The following ERP44 variants were observed in gnomAD, a reference collection of about 807,000 sequenced individuals.
ERP44 encodes endoplasmic reticulum resident protein 44.
Under a neutral mutation model 53.4 loss-of-function variants are expected in ERP44, and 25 were observed. The ratio of observed to expected loss-of-function variants is 0.47; its 90% CI spans 0.34 to 0.65. The LOEUF (loss-of-function observed/expected upper bound fraction) is 0.65, where lower values mean the gene tolerates loss of function less well. Ranked by LOEUF, ERP44 falls within the 30% of genes least tolerant of loss-of-function variation. ERP44 has a pLI of 0.01. For missense variants in ERP44, 338 were observed against 493.2 expected, an observed-to-expected ratio of 0.69 and a Z score of 2.98; for synonymous variants, 145 against 161.2, an observed-to-expected ratio of 0.90 and a Z score of 0.76.
At chr9:100,001,659 G>A (rs1425464829) in intron 10 of ERP44, among the ~76,000 whole-genome samples, 2 of 151,972 alleles carry the variant, frequency 1.3e-5, no homozygotes, top group African/African-American at 4.8e-5. Context: ...GTTTCCATAT[G>A]TCCCGAATAT....
chr9:100,054,546 CT>C (rs1826070905), intron 3 of ERP44, among the ~76,000 whole-genome samples: 1 of 152,094 alleles, frequency 6.6e-6, no homozygotes, highest in African/African-American at 2.4e-5. Flanking sequence ...TTGAATGCCC[CT>C]AATCTAAAAA....
intron 1 of ERP44, among the ~76,000 whole-genome samples, chr9:100,097,336 T>C (rs2118769498): frequency 6.6e-6 from 1 of 152,034 alleles, no homozygotes; most frequent in East Asian, 1.9e-4. Context: ...TTCTTTACAA[T>C]ATCTTAAGAT....
intron 4 of ERP44, among the ~76,000 whole-genome samples, chr9:100,024,743 A>C (rs976555586): frequency 6.6e-6 from 1 of 152,242 alleles, no homozygotes; most frequent in African/African-American, 2.4e-5. Context: ...TTTCAGCATA[A>C]GGAAAACATA....
chr9:100,079,725 G>A (rs1826400945), intron 1 of ERP44, among the ~76,000 whole-genome samples: 1 of 152,076 alleles, frequency 6.6e-6, no homozygotes, highest in African/African-American at 2.4e-5. Flanking sequence ...CTTGAGGCCA[G>A]GAGTTAGAGA....
intron 10 of ERP44, among the ~76,000 whole-genome samples, chr9:99,994,140 T>G (rs1830285210): frequency 6.6e-6 from 1 of 152,208 alleles, no homozygotes; most frequent in African/African-American, 2.4e-5. Context: ...GACCCAGCCA[T>G]CCCATTACTG....
intron 1 of ERP44, among the ~76,000 whole-genome samples, chr9:100,071,416 C>T (rs574209764): frequency 1.1e-4 from 16 of 152,016 alleles, no homozygotes; most frequent in Non-Finnish European, 1.5e-4. Context: ...GAGTAAATGG[C>T]CTTTAAGGAA....
intron 4 of ERP44, among the ~76,000 whole-genome samples, chr9:100,029,028 A>C (rs1825742315): frequency 6.6e-6 from 1 of 152,202 alleles, no homozygotes; most frequent in Non-Finnish European, 1.5e-5. Context: ...ACAAAAATCA[A>C]CTCAAGATGG....
At position 99,985,086 on chromosome 9, in the gene ERP44, A is replaced by G. The variant is rs927570794; in HGVS notation, c.1017-17T>C. 155 of 1,518,474 alleles carry G rather than the reference A, an allele frequency of 1.0e-4. No individual in the cohort carries two copies. Among genetic ancestry groups the G allele is most frequent in the Non-Finnish European group, 1.4e-4 (154 of 1,093,996 alleles). The allele number at this position is 1,518,474 out of a possible 1,614,324, so 94.1% of individuals were successfully genotyped here. On this transcript the variant is annotated splice_polypyrimidine_tract_variant and intron_variant, in intron 10 of 11. Coordinates refer to ENST00000262455, the MANE Select transcript of ERP44 (RefSeq NM_015051.3). ...CCAGGAATTCTAAAACCAGAGTCAA[A>G]TAAAATGTAAACTGTTAAAATGGAC... is the stretch of plus-strand genomic sequence containing the variant.
At chr9:100,045,728 A>G (rs1190287619) in intron 4 of ERP44, among the ~76,000 whole-genome samples, 2 of 152,182 alleles carry the variant, frequency 1.3e-5, no homozygotes, top group Non-Finnish European at 2.9e-5. Flanking sequence ...GTAGGCTAAC[A>G]TAATACCAGA....
chr9:100,011,802 C>T (rs1270990740), intron 8 of ERP44, among the ~76,000 whole-genome samples: 1 of 152,098 alleles, frequency 6.6e-6, no homozygotes, highest in African/African-American at 2.4e-5. Flanking sequence ...TAAAAAAATA[C>T]TCTGGTCACT....
chr9:100,041,408 G>A (rs778331409), intron 4 of ERP44, among the ~76,000 whole-genome samples: 5 of 152,110 alleles, frequency 3.3e-5, no homozygotes, highest in South Asian at 2.1e-4. Context: ...AGTGGCTCAC[G>A]CCTGTAATCT....
At chr9:100,081,142 C>G (rs74628059) in intron 1 of ERP44, among the ~76,000 whole-genome samples, 22 of 151,978 alleles carry the variant, frequency 1.4e-4, no homozygotes, top group Non-Finnish European at 2.8e-4. Context: ...CATAGTAGGT[C>G]ACAGAGTAAA....
At chr9:100,084,587 G>C (rs1220344973) in intron 1 of ERP44, among the ~76,000 whole-genome samples, 1 of 152,142 alleles carries the variant, frequency 6.6e-6, no homozygotes, top group Non-Finnish European at 1.5e-5. Context: ...GTGCCCTGAA[G>C]ACACCCTTGT....
chr9:100,060,062 GAAGA>G, intron 2 of ERP44, 34 bp downstream of exon 2: 1 of 1,368,984 alleles, frequency 7.3e-7, no homozygotes, highest in Non-Finnish European at 9.5e-7. Flanking sequence ...TCTCTATAGA[GAAGA>G]AAGAGTACAC....
At chr9:100,061,669 A>G (rs1023607135) in intron 1 of ERP44, among the ~76,000 whole-genome samples, 25 of 150,164 alleles carry the variant, frequency 1.7e-4, no homozygotes, top group Non-Finnish European at 3.4e-4. Flanking sequence ...TAAGGATAAC[A>G]CTGTCTTATT....
intron 1 of ERP44, among the ~76,000 whole-genome samples, chr9:100,095,443 T>C (rs1826615664): frequency 1.3e-5 from 2 of 152,164 alleles, no homozygotes; most frequent in African/African-American, 4.8e-5. Flanking sequence ...CAATGCTGTT[T>C]ATTTTTTTTT....
At chr9:100,043,503 C>T (rs1013736008) in intron 4 of ERP44, among the ~76,000 whole-genome samples, 2 of 151,882 alleles carry the variant, frequency 1.3e-5, no homozygotes, top group Admixed American at 1.3e-4. Context: ...GCCTGTAGTC[C>T]CAGAACTTTG....
At chr9:100,077,071 G>T (rs150684128) in intron 1 of ERP44, among the ~76,000 whole-genome samples, 2,603 of 152,292 alleles carry the variant, frequency 0.017, 82 homozygotes, top group African/African-American at 0.06. Context: ...CTGGTGGCAG[G>T]TTGATTATAC....
chr9:100,050,475 T>C (rs766368748), intron 4 of ERP44, among the ~76,000 whole-genome samples: 12 of 152,280 alleles, frequency 7.9e-5, no homozygotes, highest in Non-Finnish European at 1.5e-4. Context: ...CTAAAAGGCA[T>C]TTCTCTTTAG....
Sources: gnomAD v4.1 joint callset for allele counts (sites outside exome capture counted in the v4.1 genomes callset) on GRCh38, gnomAD v4.1.1 for gene constraint, MANE v1.5 for transcripts, NCBI Gene and HGNC (gene_info 2026-07-23, HGNC 2026-07-21) for gene names.